The following DLG2 variants were observed in gnomAD, a reference collection of about 807,000 sequenced individuals.
DLG2 encodes discs large MAGUK scaffold protein 2, also known as disks large homolog 2.
Under a neutral mutation model 132.5 loss-of-function variants are expected in DLG2, and 45 were observed. That is an observed-to-expected ratio of 0.34 (90% CI 0.27 to 0.44). The LOEUF (loss-of-function observed/expected upper bound fraction) is 0.44. Among genes scored for constraint, DLG2 ranks in the 20% least tolerant of loss-of-function variants. The pLI, the probability that DLG2 is intolerant of heterozygous loss-of-function variation, is 1.00. For synonymous variants in DLG2, 424 were observed against 419.6 expected (o/e 1.01, Z -0.13); for missense variants, 1,045 against 1,196.9 (o/e 0.87, Z 1.87).
At chr11:84,954,286 A>G (rs2051337582) in intron 6 of DLG2, among the ~76,000 whole-genome samples, 1 of 151,722 alleles carries the variant, frequency 6.6e-6, no homozygotes, top group South Asian at 2.1e-4. Flanking sequence ...GTGATAAAAT[A>G]GCAATATGAG....
intron 8 of DLG2, among the ~76,000 whole-genome samples, chr11:84,233,924 T>C (rs1598037242): frequency 1.3e-5 from 2 of 152,222 alleles, no homozygotes; most frequent in East Asian, 3.9e-4. Context: ...AGCTTCCCAA[T>C]AAATAGCAAA....
intron 9 of DLG2, among the ~76,000 whole-genome samples, chr11:84,105,102 TAATGC>T (rs2154185984): frequency 6.6e-6 from 1 of 152,280 alleles, no homozygotes; most frequent in East Asian, 1.9e-4. Context: ...ATTCAAAAAC[TAATGC>T]AATGGTAGGG....
chr11:83,612,561 C>A (rs867120193), intron 19 of DLG2, among the ~76,000 whole-genome samples: 2 of 152,158 alleles, frequency 1.3e-5, no homozygotes. Flanking sequence ...ATACTCCTCA[C>A]AGTAGCATGC....
chr11:84,099,084 T>G, intron 9 of DLG2, 37 bp from the exon 10 acceptor site: 1 of 1,599,946 alleles, frequency 6.3e-7, no homozygotes, highest in Non-Finnish European at 8.6e-7. Context: ...ATGATGTGTC[T>G]GTCACCTAAA....
chr11:85,304,366 C>A (rs2079802462), intron 3 of DLG2, among the ~76,000 whole-genome samples: 1 of 151,996 alleles, frequency 6.6e-6, no homozygotes, highest in African/African-American at 2.4e-5. Context: ...TTAAGAAAAC[C>A]ACAAAGCAAA....
chr11:84,324,182 T>A (rs774608678), intron 7 of DLG2, among the ~76,000 whole-genome samples: 2 of 152,108 alleles, frequency 1.3e-5, no homozygotes, highest in African/African-American at 4.8e-5. Flanking sequence ...CCAGGAGTTT[T>A]ATAGTTTTAG....
rs557615392 is a variant in DLG2 at position 83,501,290 on chromosome 11, G to A, written c.2194-17062C>T. On this transcript the variant is annotated intron_variant, in intron 21 of 27. Transcript: ENST00000376104. ...CTAATCCCTCACAATATGGCTGTCAGCCCACAATGGCCACAGTAGGTTACA... is the reference window on the plus strand; with the variant it reads ...CTAATCCCTCACAATATGGCTGTCAACCCACAATGGCCACAGTAGGTTACA... Among the ~76,000 whole-genome samples the A allele has an allele frequency of 1.8e-4, 27 of 150,410 alleles. No homozygotes were observed. The South Asian group carries it at 5.7e-3, about 32-fold the overall frequency.
intron 3 of DLG2, among the ~76,000 whole-genome samples, chr11:85,442,391 A>G (rs992166987): frequency 6.6e-6 from 1 of 152,212 alleles, no homozygotes; most frequent in African/African-American, 2.4e-5. Flanking sequence ...AATATGGTCA[A>G]GTTATATTTA....
At chr11:84,994,637 G>A (rs2057457238) in intron 6 of DLG2, among the ~76,000 whole-genome samples, 1 of 152,088 alleles carries the variant, frequency 6.6e-6, no homozygotes. Flanking sequence ...GAGCTTTGGG[G>A]GAGATTATCA....
chr11:83,653,715 T>C (rs566389990), intron 18 of DLG2, among the ~76,000 whole-genome samples: 45 of 152,094 alleles, frequency 3.0e-4, no homozygotes, highest in Non-Finnish European at 3.4e-4. Flanking sequence ...CGTTAAGAGG[T>C]AGAAGTTAGA....
chr11:83,763,880 T>C (rs2153771305), intron 18 of DLG2, among the ~76,000 whole-genome samples: 1 of 152,336 alleles, frequency 6.6e-6, no homozygotes, highest in Admixed American at 6.5e-5. Context: ...GTCATATTAT[T>C]AACTCATTTT....
intron 18 of DLG2, among the ~76,000 whole-genome samples, chr11:83,776,722 CCTT>C (rs754773367): frequency 1.6e-4 from 24 of 152,338 alleles, no homozygotes; most frequent in Middle Eastern, 3.4e-3. Context: ...CATCCTCTCT[CCTT>C]CAGATACACT....
intron 6 of DLG2, among the ~76,000 whole-genome samples, chr11:85,083,243 G>A (rs1200983814): frequency 1.3e-5 from 2 of 152,136 alleles, no homozygotes; most frequent in African/African-American, 4.8e-5. Flanking sequence ...TGGAAGACCA[G>A]GGTTTCTCTG....
intron 6 of DLG2, among the ~76,000 whole-genome samples, chr11:84,963,220 A>T (rs574284966): frequency 9.2e-5 from 14 of 152,328 alleles, no homozygotes; most frequent in African/African-American, 3.4e-4. Flanking sequence ...TACTTAAAGG[A>T]TGTGTCTATG....
chr11:84,965,540 G>T (rs375824475), intron 6 of DLG2, among the ~76,000 whole-genome samples: 1 of 152,016 alleles, frequency 6.6e-6, no homozygotes, highest in East Asian at 1.9e-4. Context: ...AAGACTAAAA[G>T]AATTTATAAA....
At chr11:85,488,278 A>C (rs993883242) in intron 3 of DLG2, among the ~76,000 whole-genome samples, 4 of 151,902 alleles carry the variant, frequency 2.6e-5, no homozygotes, top group African/African-American at 9.7e-5. Context: ...AGTCCCAGCT[A>C]TTCAGGAGGC....
intron 6 of DLG2, among the ~76,000 whole-genome samples, chr11:84,681,157 G>A (rs2099728687): frequency 6.6e-6 from 1 of 152,184 alleles, no homozygotes; most frequent in Non-Finnish European, 1.5e-5. Context: ...GTCAATTTGA[G>A]AAATGTATTC....
At chr11:84,831,257 G>A (rs573823556) in intron 6 of DLG2, among the ~76,000 whole-genome samples, 6 of 151,582 alleles carry the variant, frequency 4.0e-5, no homozygotes, top group African/African-American at 7.2e-5. Flanking sequence ...GATTAGACAC[G>A]TTTGGGGCAT....
At chr11:84,580,127 T>C (rs1447826449) in intron 6 of DLG2, among the ~76,000 whole-genome samples, 1 of 152,192 alleles carries the variant, frequency 6.6e-6, no homozygotes, top group African/African-American at 2.4e-5. Flanking sequence ...GGAAATAGTA[T>C]GAGCACTTTC....
Sources: gnomAD v4.1 joint callset for allele counts (sites outside exome capture counted in the v4.1 genomes callset) on GRCh38, gnomAD v4.1.1 for gene constraint, MANE v1.5 for transcripts, NCBI Gene and HGNC (gene_info 2026-07-23, HGNC 2026-07-21) for gene names.